Variants in TMEM80 observed in about 807,000 individuals in gnomAD.
The protein encoded by TMEM80 is transmembrane protein 80.
A neutral mutation model predicts 13.6 loss-of-function variants in TMEM80; 16 were observed. The observed-to-expected ratio is 1.17, with a 90% CI of 0.79 to 1.78. The LOEUF (loss-of-function observed/expected upper bound fraction) is 1.78. Ranked by LOEUF, TMEM80 falls within the 40% of genes most tolerant of loss-of-function variation. The pLI is 0.00. For synonymous variants in TMEM80, 92 were observed against 89.5 expected, an observed-to-expected ratio of 1.03 and a Z score of -0.16; for missense variants, 167 against 184.6, an observed-to-expected ratio of 0.90 and a Z score of 0.55.
In TMEM80 at chr11:695,829, TGGC is replaced by T. The variant is rs1357617867; in HGVS notation, c.6_8del (p.Ala3?). The T allele has an allele frequency of 8.1e-7, 1 of 1,230,118 alleles. No homozygotes were observed. The highest frequency in any genetic ancestry group is 1.0e-6 in the Non-Finnish European group (1 of 986,290). 76.2% of individuals were successfully genotyped at this position (1,230,118 alleles called of 1,614,324 possible). On this transcript the variant is annotated start_lost and inframe_deletion, in exon 1 of 5. Transcript: ENST00000397510. ...GGACCGGCGGGCGGGGCGGGTAAGA[TGGC>T]GGCCCCGCGGCGAGGTGAGCTCGGG...
In TMEM80 at chr11:703,841, C is replaced by G; in HGVS notation, c.*691C>G. Reference sequence around the variant, plus strand: ...GTCAGGGCTAAGGCCGGGGATGAGACTGCAGGAGAGAGAGCAGCGGAGGGC... The same window carrying G: ...GTCAGGGCTAAGGCCGGGGATGAGAGTGCAGGAGAGAGAGCAGCGGAGGGC... On this transcript the variant is annotated 3_prime_UTR_variant, in exon 5 of 5. Transcript: ENST00000397510. 8.1e-7 allele frequency: 1 copy of G among 1,236,032 alleles called. No homozygotes were observed. The highest frequency in any genetic ancestry group is 3.1e-5 in the East Asian group (1 of 31,754). The allele number at this position is 1,236,032 out of a possible 1,614,324, so 76.6% of individuals were successfully genotyped here. A position where few individuals can be genotyped will look rare whatever the true frequency, so the allele number is the denominator to read the frequency against.
intron 1 of TMEM80, 84 bp from the exon 2 acceptor site, chr11:698,785 G>A: frequency 6.7e-7 from 1 of 1,486,634 alleles, no homozygotes; most frequent in South Asian, 1.1e-5. Context: ...ATAAAGCAGG[G>A]GTGGTTCCTG....
chr11:700,076 T>G, intron 2 of TMEM80, 66 bp from the exon 3 acceptor site: 1 of 1,396,130 alleles, frequency 7.2e-7, no homozygotes, highest in Non-Finnish European at 1.0e-6. Flanking sequence ...CCAGCCCCTC[T>G]TGTTCAGCCA....
At chr11:696,986 G>T (rs1861209885) in intron 1 of TMEM80, among the ~76,000 whole-genome samples, 1 of 150,602 alleles carries the variant, frequency 6.6e-6, no homozygotes, top group African/African-American at 2.4e-5. Context: ...GTCTGAGGCA[G>T]GAGAATTGCT....
Position 703,953 on chromosome 11 carries a change from T to G in TMEM80, c.*803T>G. The G allele has an allele frequency of 8.1e-7, 1 of 1,240,554 alleles. No homozygotes were observed. The highest frequency in any genetic ancestry group is 3.1e-4 in the Middle Eastern group (1 of 3,198). The allele number at this position is 1,240,554 out of a possible 1,614,324, so 76.8% of individuals were successfully genotyped here. ...AACAAATTCTAGCTCTGTGTTTTTT[T>G]CCCATTCCCAGATTTACTATCAGTT... is the stretch of plus-strand genomic sequence containing the variant. On this transcript the variant is annotated 3_prime_UTR_variant, in exon 5 of 5. Transcript: ENST00000397510.
chr11:703,305 G>A lies in TMEM80; in HGVS notation c.*155G>A. On this transcript the variant is annotated 3_prime_UTR_variant, in exon 5 of 5. Coordinates refer to ENST00000397510, the MANE Select transcript of TMEM80 (RefSeq NM_001042463.3). The stretch of plus-strand genomic sequence containing the variant: ...GGTTCCATCTGTTCTGGCAGGAGTG[G>A]GAGCAGGAGCCAGGGCAGAACAAAC... 2.1e-6 allele frequency: 3 copies of A among 1,424,226 alleles called. No homozygotes were observed. The highest frequency in any genetic ancestry group is 2.8e-6 in the Non-Finnish European group (3 of 1,086,498). The allele number at this position is 1,424,226 out of a possible 1,614,324, so 88.2% of individuals were successfully genotyped here.
In TMEM80 at chr11:703,560, G is replaced by C. The variant is rs1244102122; in HGVS notation, c.*410G>C. The C allele has an allele frequency of 3.2e-6, 4 of 1,233,498 alleles. No homozygotes were observed. The African/African-American group carries it at 4.7e-5, about 14-fold the overall frequency. 76.4% of individuals were successfully genotyped at this position (1,233,498 alleles called of 1,614,324 possible). On this transcript the variant is annotated 3_prime_UTR_variant, in exon 5 of 5. Transcript: ENST00000397510. ...CCCCATCACCCCCTAGTTCCCCAATGGTCCTAATTTGTGTTCTGAGATCCC... is the reference window on the plus strand; with the variant it reads ...CCCCATCACCCCCTAGTTCCCCAATCGTCCTAATTTGTGTTCTGAGATCCC...
chr11:698,715 T>A (rs1861309600), intron 1 of TMEM80, among the ~76,000 whole-genome samples, 154 bp from the exon 2 acceptor site: 1 of 152,164 alleles, frequency 6.6e-6, no homozygotes, highest in Non-Finnish European at 1.5e-5. Context: ...ACGGGAGCTA[T>A]CTAGTGGCAG....
At chr11:698,953 A>T in intron 2 of TMEM80, 65 bp downstream of exon 2, 1 of 1,596,912 alleles carries the variant, frequency 6.3e-7, no homozygotes, top group East Asian at 2.2e-5. Context: ...CACAGAGAGC[A>T]CTCGGCCTCA....
rs947195969 is a variant in TMEM80, at chr11:703,746, G to A, written c.*596G>A. ...TTCCTAAAGCAATAAATGCAAACAA[G>A]CCAACAGCTCTGCTGCCTAGCAATT... is the stretch of plus-strand genomic sequence containing the variant. On this transcript the variant is annotated 3_prime_UTR_variant, in exon 5 of 5. Transcript: ENST00000397510. The A allele has an allele frequency of 2.4e-6, 3 of 1,232,648 alleles. No individual in the cohort carries two copies. The highest frequency in any genetic ancestry group is 4.2e-5 in the Admixed American group (1 of 23,784). 76.4% of individuals were successfully genotyped at this position (1,232,648 alleles called of 1,614,324 possible). A position where few individuals can be genotyped will look rare whatever the true frequency, so the allele number is the denominator to read the frequency against.
rs1590040123 is a variant in TMEM80, at chr11:703,269, T to C, written c.*119T>C. The C allele has an allele frequency of 6.9e-7, 1 of 1,445,986 alleles. No homozygotes were observed. Among genetic ancestry groups the C allele is most frequent in the African/African-American group, 1.4e-5 (1 of 70,154 alleles). The allele number at this position is 1,445,986 out of a possible 1,614,324, so 89.6% of individuals were successfully genotyped here. On this transcript the variant is annotated 3_prime_UTR_variant, in exon 5 of 5. Transcript: ENST00000397510. The stretch of plus-strand genomic sequence containing the variant: ...ACTTTTCCTAGTGACTGGCCATAGA[T>C]GGTTTTGGATGGTTCCATCTGTTCT...
downstream of TMEM80, chr11:704,488 C>T (rs186322619): frequency 3.1e-6 from 4 of 1,289,456 alleles, no homozygotes; most frequent in East Asian, 5.5e-5. Context: ...ACTTCACACA[C>T]CAGCGCCTGA....
At chr11:704,682 A>C, downstream of TMEM80, 1 of 1,276,128 alleles carries the variant, frequency 7.8e-7, no homozygotes, top group Non-Finnish European at 1.0e-6. Flanking sequence ...CGAGCACACA[A>C]AGGCAGTGGT....
At position 703,840 on chromosome 11, in the gene TMEM80, A is replaced by G. The variant is rs1861608517; in HGVS notation, c.*690A>G. On this transcript the variant is annotated 3_prime_UTR_variant, in exon 5 of 5. Coordinates refer to ENST00000397510, the MANE Select transcript of TMEM80 (RefSeq NM_001042463.3). ...GGTCAGGGCTAAGGCCGGGGATGAG[A>G]CTGCAGGAGAGAGAGCAGCGGAGGG... 2.4e-6 allele frequency: 3 copies of G among 1,235,022 alleles called. No homozygotes were observed. Among genetic ancestry groups the G allele is most frequent in the Non-Finnish European group, 2.0e-6 (2 of 990,364 alleles). 76.5% of individuals were successfully genotyped at this position (1,235,022 alleles called of 1,614,324 possible).
In TMEM80 at chr11:703,774, C is replaced by T. The variant is rs748098241; in HGVS notation, c.*624C>T. On this transcript the variant is annotated 3_prime_UTR_variant, in exon 5 of 5. Coordinates refer to ENST00000397510, the MANE Select transcript of TMEM80 (RefSeq NM_001042463.3). ...AACAGCTCTGCTGCCTAGCAATTTC[C>T]ATCTTAGCCACACTTCTCCCTTCAG... 10 of 1,232,936 alleles carry T rather than the reference C, an allele frequency of 8.1e-6. No individual in the cohort carries two copies. The highest frequency in any genetic ancestry group is 1.0e-5 in the Non-Finnish European group (10 of 988,982). 76.4% of individuals were successfully genotyped at this position (1,232,936 alleles called of 1,614,324 possible). A position where few individuals can be genotyped will look rare whatever the true frequency, so the allele number is the denominator to read the frequency against.
chr11:697,557 A>G (rs887162224), intron 1 of TMEM80: 3 of 152,204 alleles, frequency 2.0e-5, no homozygotes, highest in Non-Finnish European at 4.4e-5. Flanking sequence ...TTTTTCCCCC[A>G]AGCCCCATAA....
chr11:695,870 T>A (rs1421184131), intron 1 of TMEM80, 24 bp downstream of exon 1: 1 of 1,225,500 alleles, frequency 8.2e-7, no homozygotes, highest in East Asian at 3.2e-5. Context: ...GGGTGGGGGC[T>A]TCCGGGCTTG....
intron 4 of TMEM80, 55 bp downstream of exon 4, chr11:700,762 C>T (rs778138382): frequency 6.5e-5 from 95 of 1,458,924 alleles, no homozygotes; most frequent in Non-Finnish European, 8.7e-5. Context: ...CTATCTGTTT[C>T]CACAGCCTTT....
chr11:704,597 A>G, downstream of TMEM80: 2 of 1,265,094 alleles, frequency 1.6e-6, no homozygotes, highest in Non-Finnish European at 2.1e-6. Flanking sequence ...CATGCAGACC[A>G]GGGAAGGACC....
Sources: allele counts gnomAD v4.1 joint callset (sites outside exome capture counted in the v4.1 genomes callset), GRCh38; gene constraint gnomAD v4.1.1; transcripts MANE v1.5; gene names NCBI Gene and HGNC (gene_info 2026-07-23, HGNC 2026-07-21).